The following GLI3 variants were observed in gnomAD, a reference collection of about 807,000 sequenced individuals.
The protein encoded by GLI3 is GLI family zinc finger 3.
In GLI3, 20 loss-of-function variants were observed where a neutral mutation model predicts 100.8. That is an observed-to-expected ratio of 0.20 (90% CI 0.14 to 0.29). GLI3 has a LOEUF of 0.29. Ranked by LOEUF, GLI3 falls within the 10% of genes least tolerant of loss-of-function variation. GLI3 has a pLI of 1.00. For missense variants in GLI3, 2,040 were observed against 2,128.5 expected (o/e 0.96, Z 0.82); for synonymous variants, 938 against 860.5 (o/e 1.09, Z -1.58).
At chr7:42,176,546 T>C (rs1787483748) in intron 2 of GLI3, among the ~76,000 whole-genome samples, 2 of 152,208 alleles carry the variant, frequency 1.3e-5, no homozygotes, top group African/African-American at 4.8e-5. Context: ...CTTGCACAAA[T>C]AGCGGGATTG....
chr7:42,013,309 G>A (rs1365851999), intron 10 of GLI3, among the ~76,000 whole-genome samples: 2 of 152,124 alleles, frequency 1.3e-5, no homozygotes, highest in African/African-American at 2.4e-5. Context: ...TGGAAGAAAA[G>A]TGGCCACTGT....
chr7:41,977,490 C>T, intron 12 of GLI3, 68 bp downstream of exon 12: 2 of 1,513,960 alleles, frequency 1.3e-6, no homozygotes, highest in Non-Finnish European at 1.8e-6. Context: ...CTGCGCCTTC[C>T]CATGTGCCTT....
chr7:42,122,343 C>T (rs1786022683), intron 3 of GLI3, among the ~76,000 whole-genome samples: 1 of 148,650 alleles, frequency 6.7e-6, no homozygotes, highest in South Asian at 2.1e-4. Flanking sequence ...AGAGAAGAAC[C>T]ATGAGGTCTG....
At chr7:42,010,826 G>A (rs1234887776) in intron 10 of GLI3, among the ~76,000 whole-genome samples, 2 of 152,174 alleles carry the variant, frequency 1.3e-5, no homozygotes, top group Non-Finnish European at 2.9e-5. Flanking sequence ...TGAGTTTAGT[G>A]GCCTTCAATA....
chr7:42,010,902 A>G (rs1788594731), intron 10 of GLI3, among the ~76,000 whole-genome samples: 1 of 152,194 alleles, frequency 6.6e-6, no homozygotes, highest in Admixed American at 6.5e-5. Context: ...CACAACTAGG[A>G]GGGACCACAG....
At chr7:42,017,570 C>T (rs140915284) in intron 10 of GLI3, among the ~76,000 whole-genome samples, 11 of 152,278 alleles carry the variant, frequency 7.2e-5, no homozygotes, top group African/African-American at 1.9e-4. Flanking sequence ...CCAGCTAGCT[C>T]GCACTTGAGG....
chr7:42,244,626 G>A (rs530278160), intron 1 of GLI3, among the ~76,000 whole-genome samples: 5 of 152,048 alleles, frequency 3.3e-5, no homozygotes, highest in Admixed American at 6.5e-5. Flanking sequence ...AGGCCAAAAA[G>A]CGGTTAGTTA....
intron 3 of GLI3, among the ~76,000 whole-genome samples, chr7:42,090,956 C>G (rs539063849): frequency 6.6e-6 from 1 of 152,360 alleles, no homozygotes; most frequent in Non-Finnish European, 1.5e-5. Context: ...TAGGAACTGA[C>G]AAAGCTTGGC....
intron 2 of GLI3, among the ~76,000 whole-genome samples, chr7:42,164,166 G>C (rs1018555158): frequency 6.6e-6 from 1 of 152,118 alleles, no homozygotes; most frequent in African/African-American, 2.4e-5. Context: ...TGCAATATAC[G>C]GACAAGCTTT....
chr7:42,105,825 TG>T lies in GLI3; in HGVS notation c.368-28969del, dbSNP rs1381864841. Reference sequence around the variant, plus strand: ...TTTTCCTCAAGCAAAGAGGCAGCTCTGTCTCTCGTAAACAAGCACCTCCACG... The same window carrying T: ...TTTTCCTCAAGCAAAGAGGCAGCTCTTCTCTCGTAAACAAGCACCTCCACG... On this transcript the variant is annotated intron_variant, in intron 3 of 14. Coordinates refer to ENST00000395925, the MANE Select transcript of GLI3 (RefSeq NM_000168.6). 2.0e-5 allele frequency among the ~76,000 whole-genome samples: 3 copies of T among 152,180 alleles called. No homozygotes were observed. The East Asian group carries it at 5.8e-4, about 30-fold the overall frequency.
intron 12 of GLI3, among the ~76,000 whole-genome samples, chr7:41,973,473 G>A (rs770762908): frequency 8.5e-5 from 13 of 152,146 alleles, no homozygotes; most frequent in Non-Finnish European, 1.6e-4. Context: ...AAAATTATGC[G>A]GATGCTTATA....
chr7:42,262,229 C>CTTCCTTCCTTCCTTCCTTCA (rs1789152051), intron 1 of GLI3, among the ~76,000 whole-genome samples: 1 of 134,056 alleles, frequency 7.5e-6, no homozygotes, highest in Non-Finnish European at 1.5e-5. Flanking sequence ...TCCTTCTTTC[C>CTTCCTTCCTTCCTTCCTTCA]TTCCTTCCTT....
intron 3 of GLI3, among the ~76,000 whole-genome samples, chr7:42,080,621 T>C (rs1212087287): frequency 5.9e-5 from 9 of 152,326 alleles, no homozygotes; most frequent in Middle Eastern, 6.8e-3. Context: ...CCTCTTCCAA[T>C]TCAAGACGTG....
chr7:42,242,996 C>T (rs1788940335), intron 1 of GLI3, among the ~76,000 whole-genome samples: 1 of 152,166 alleles, frequency 6.6e-6, no homozygotes, highest in Non-Finnish European at 1.5e-5. Context: ...AAAGGGCATT[C>T]CCCAACCTCT....
intron 10 of GLI3, among the ~76,000 whole-genome samples, chr7:42,012,495 C>T (rs1788645299): frequency 6.6e-6 from 1 of 152,100 alleles, no homozygotes; most frequent in African/African-American, 2.4e-5. Flanking sequence ...TAAGCAATTT[C>T]ACAAATCAGT....
chr7:42,193,860 G>A (rs1787875519), intron 2 of GLI3, among the ~76,000 whole-genome samples: 1 of 152,134 alleles, frequency 6.6e-6, no homozygotes, highest in Admixed American at 6.5e-5. Context: ...CTACAACTCA[G>A]ATTTAAGGAA....
chr7:42,051,851 T>C (rs1784359625), intron 4 of GLI3, among the ~76,000 whole-genome samples: 2 of 152,096 alleles, frequency 1.3e-5, no homozygotes, highest in African/African-American at 4.8e-5. Context: ...TCACACATCA[T>C]CGTCACCCAA....
chr7:42,182,214 C>T (rs12540671), intron 2 of GLI3, among the ~76,000 whole-genome samples: 19,409 of 152,064 alleles, frequency 0.13, 1,603 homozygotes, highest in Non-Finnish European at 0.18. Context: ...ACTTCAAATA[C>T]GGCCAGTATG....
At chr7:42,047,124 C>A (rs986952665) in intron 5 of GLI3, among the ~76,000 whole-genome samples, 4 of 152,154 alleles carry the variant, frequency 2.6e-5, no homozygotes, top group Non-Finnish European at 5.9e-5. Flanking sequence ...CCAAGGCACT[C>A]CAGCCTGGGG....
Sources: allele counts gnomAD v4.1 joint callset (sites outside exome capture counted in the v4.1 genomes callset), GRCh38; gene constraint gnomAD v4.1.1; transcripts MANE v1.5; gene names NCBI Gene and HGNC (gene_info 2026-07-23, HGNC 2026-07-21).